Variants in FGL2 observed in about 807,000 individuals in gnomAD.
FGL2 encodes the protein fibroleukin.
In FGL2, 21 loss-of-function variants were observed where a neutral mutation model predicts 36.0. That is an observed-to-expected ratio of 0.58 (90% CI 0.41 to 0.84). The LOEUF (loss-of-function observed/expected upper bound fraction) is 0.84, where lower values mean the gene tolerates loss of function less well. FGL2 is among the 40% of genes least tolerant of loss of function. The pLI is 0.00. For missense variants in FGL2, 444 were observed against 526.3 expected (o/e 0.84, Z 1.53); for synonymous variants, 183 against 190.7 (o/e 0.96, Z 0.33).
rs1157567272 is a variant in FGL2, at chr7:77,194,792, A to G, written c.*1487T>C. 1.3e-5 allele frequency: 2 copies of G among 152,166 alleles called. No individual in the cohort carries two copies. Among genetic ancestry groups the G allele is most frequent in the Non-Finnish European group, 2.9e-5 (2 of 67,984 alleles). The allele number at this position is 152,166 out of a possible 1,614,324, so 9.4% of individuals were successfully genotyped here. On this transcript the variant is annotated 3_prime_UTR_variant, in exon 2 of 2. Coordinates refer to ENST00000248598, the MANE Select transcript of FGL2 (RefSeq NM_006682.3). ...CTCTAGAGCATTTTTAAAAATACGC[A>G]GAATACTGCTGTTCTCTCTGAGATG...
chr7:77,196,905 C>G lies in FGL2; in HGVS notation c.694G>C (p.Asp232His). Reference sequence around the variant, plus strand: ...ACTTCAAAGCTACTATTTTTGGGATCAGGTGTAACTCTGTAGGTCTCACTG... The same window carrying G: ...ACTTCAAAGCTACTATTTTTGGGATGAGGTGTAACTCTGTAGGTCTCACTG... ...RSSETYRVTP[D>H]PKNSSFEVYC... Residue 232 changes from aspartate (D) to histidine (H), a missense_variant, in exon 2 of 2, where the codon GAT becomes CAT. Transcript: ENST00000248598. This position sits in a 1 kb window ranked among gnomAD's most constrained non-coding sequence, Gnocchi z 4.2. The G allele has an allele frequency of 6.2e-7, 1 of 1,613,872 alleles. No homozygotes were observed. Among genetic ancestry groups the G allele is most frequent in the East Asian group, 2.2e-5 (1 of 44,876 alleles).
At chr7:77,198,265 C>T in intron 1 of FGL2, 4 of 985,418 alleles carry the variant, frequency 4.1e-6, no homozygotes, top group Non-Finnish European at 4.8e-6. Flanking sequence ...GCCTGAGATA[C>T]TGTCTCTAAA....
intron 1 of FGL2, among the ~76,000 whole-genome samples, chr7:77,197,893 A>G (rs1791905578): frequency 6.6e-6 from 1 of 152,224 alleles, no homozygotes; most frequent in Non-Finnish European, 1.5e-5. Context: ...AAAGTTCTGT[A>G]TGAATCAGAC....
Position 77,196,595 on chromosome 7 carries a change from T to C in FGL2, c.1004A>G (p.Tyr335Cys). 5 of 1,614,220 alleles carry C rather than the reference T, an allele frequency of 3.1e-6. No individual in the cohort carries two copies. Among genetic ancestry groups the C allele is most frequent in the Non-Finnish European group, 4.2e-6 (5 of 1,180,018 alleles). The part of the protein sequence containing the change: ...FLKYRLHVGN[Y>C]NGTAGDALRF... ...TAATGCATCTCCAGCTGTGCCATTA[T>C]AGTTACCAACGTGTAAACGATATTT... Residue 335 changes from tyrosine (Y) to cysteine (C), a missense_variant, in exon 2 of 2, where the codon TAT becomes TGT. Physicochemically the swap from Tyr to Cys is radical, Grantham distance 194. Coordinates refer to ENST00000248598, the MANE Select transcript of FGL2 (RefSeq NM_006682.3). The surrounding 1 kb of genome is among the most constrained non-coding windows in gnomAD (Gnocchi z 4.2).
Position 77,196,741 on chromosome 7 carries a change from G to T in FGL2, c.858C>A (p.Asn286Lys). 6.2e-7 allele frequency: 1 copy of T among 1,613,894 alleles called. No individual in the cohort carries two copies. Among genetic ancestry groups the T allele is most frequent in the Non-Finnish European group, 8.5e-7 (1 of 1,179,946 alleles). The change falls in exon 2 of 2, where the codon AAC becomes AAA. Residue 286 changes from asparagine (N) to lysine (K), a missense_variant. Physicochemically the swap from Asn to Lys is moderately conservative, Grantham distance 94. Transcript: ENST00000248598. The surrounding 1 kb of genome is among the most constrained non-coding windows in gnomAD (Gnocchi z 4.2). ...GNLRREFWLG[N>K]DKIHLLTKSK... ...TCTTGGTCAGAAGATGAATTTTATC[G>T]TTCCCCAGCCAAAATTCCCTTCTGA...
intron 1 of FGL2, among the ~76,000 whole-genome samples, chr7:77,197,188 A>G (rs1398846611): frequency 6.6e-6 from 1 of 152,244 alleles, no homozygotes; most frequent in African/African-American, 2.4e-5. Context: ...GACCTCTAAT[A>G]TACTCTTGGT....
rs940913606 is a variant in FGL2 at position 77,194,395 on chromosome 7, C to T, written c.*1884G>A. The T allele has an allele frequency of 6.6e-6, 1 of 151,938 alleles. No homozygotes were observed. Among genetic ancestry groups the T allele is most frequent in the African/African-American group, 2.4e-5 (1 of 41,378 alleles). 9.4% of individuals were successfully genotyped at this position (151,938 alleles called of 1,614,324 possible). ...GTTACATCATTTACATTTGGTATCCCACCTAATAGAGACACAGCTTTTGAA... is the reference window on the plus strand; with the variant it reads ...GTTACATCATTTACATTTGGTATCCTACCTAATAGAGACACAGCTTTTGAA... On this transcript the variant is annotated 3_prime_UTR_variant, in exon 2 of 2. Coordinates refer to ENST00000248598, the MANE Select transcript of FGL2 (RefSeq NM_006682.3).
chr7:77,196,955 T>C lies in FGL2; in HGVS notation c.644A>G (p.Asp215Gly), dbSNP rs1334563704. 23 of 1,610,238 alleles carry C rather than the reference T, an allele frequency of 1.4e-5. No homozygotes were observed. The East Asian group carries it at 4.9e-4, about 34-fold the overall frequency. Residue 215 changes from aspartate (D) to glycine (G), a missense_variant, in exon 2 of 2, where the codon GAC (aspartate) becomes GGC (glycine). By Grantham distance (94) the Asp-to-Gly change is moderately conservative. Coordinates refer to ENST00000248598, the MANE Select transcript of FGL2 (RefSeq NM_006682.3). This position sits in a 1 kb window ranked among gnomAD's most constrained non-coding sequence, Gnocchi z 4.2. ...GCTTCTTTTGCCTATTGCGTAGTAG[T>C]CAGAGCAATCTTTATATATTAGATG... ...VQHLIYKDCS[D>G]YYAIGKRSSE...
rs752263777 is a variant in FGL2, at chr7:77,196,626, A to G, written c.973T>C (p.Phe325Leu). 5 of 1,613,984 alleles carry G rather than the reference A, an allele frequency of 3.1e-6. No homozygotes were observed. In the South Asian group the frequency reaches 5.5e-5, roughly 18 times the overall value. ...CCAACGTGTAAACGATATTTGAGAA[A>G]CTCATTAGCCACATAAAACTGATCA... ...LYDQFYVANE[F>L]LKYRLHVGNY... Residue 325 changes from phenylalanine to leucine, a missense_variant, in exon 2 of 2, where the codon TTT becomes CTT. Coordinates refer to ENST00000248598, the MANE Select transcript of FGL2 (RefSeq NM_006682.3). The surrounding 1 kb of genome is among the most constrained non-coding windows in gnomAD (Gnocchi z 4.2).
chr7:77,196,118 T>A lies in FGL2; in HGVS notation c.*161A>T, dbSNP rs1791863910. The A allele has an allele frequency of 1.7e-6, 1 of 596,598 alleles. No individual in the cohort carries two copies. The highest frequency in any genetic ancestry group is 2.9e-6 in the Non-Finnish European group (1 of 344,254). 37.0% of individuals were successfully genotyped at this position (596,598 alleles called of 1,614,324 possible). On this transcript the variant is annotated 3_prime_UTR_variant, in exon 2 of 2. Transcript: ENST00000248598. The surrounding 1 kb of genome is among the most constrained non-coding windows in gnomAD (Gnocchi z 4.2). ...CAACAAAGGACTCCTTTAAAATGCA[T>A]TGTTTTTCAGCTTTATTTCAAATGC...
At position 77,196,405 on chromosome 7, in the gene FGL2, G is replaced by T; in HGVS notation, c.1194C>A (p.Tyr398Ter). The part of the protein sequence containing the change: ...NLNGKYYHQK[Y>*]RGVRNGIFWG... ...AGAAAATCCCATTACGGACACCTCT[G>T]TATTTTTGGTGATAATATTTGCCAT... Residue 398 changes from tyrosine (Y) to a stop codon, truncating the protein, a stop_gained, in exon 2 of 2, where the codon TAC becomes TAA. Transcript: ENST00000248598. LOFTEE classifies it high-confidence loss of function. The surrounding 1 kb of genome is among the most constrained non-coding windows in gnomAD (Gnocchi z 4.2). 6.2e-7 allele frequency: 1 copy of T among 1,614,100 alleles called. No individual in the cohort carries two copies. Among genetic ancestry groups the T allele is most frequent in the African/African-American group, 1.3e-5 (1 of 75,030 alleles).
rs765354770 is a variant in FGL2, at chr7:77,196,712, T to C, written c.887A>G (p.Lys296Arg). ...NDKIHLLTKS[K>R]EMILRIDLED... ...AAGATCTATTCTCAGAATCATTTCC[T>C]TACTCTTGGTCAGAAGATGAATTTT... The change falls in exon 2 of 2, where the codon AAG (lysine) becomes AGG (arginine). Residue 296 changes from lysine (K) to arginine (R), a missense_variant. Physicochemically the swap from Lys to Arg is conservative, Grantham distance 26. Coordinates refer to ENST00000248598, the MANE Select transcript of FGL2 (RefSeq NM_006682.3). The surrounding 1 kb of genome is among the most constrained non-coding windows in gnomAD (Gnocchi z 4.2). The C allele has an allele frequency of 6.2e-7, 1 of 1,614,224 alleles. No homozygotes were observed. Among genetic ancestry groups the C allele is most frequent in the South Asian group, 1.1e-5 (1 of 91,078 alleles).
At position 77,199,529 on chromosome 7, in the gene FGL2, C is replaced by T. The variant is rs766309139; in HGVS notation, c.265G>A (p.Val89Ile). 8.7e-6 allele frequency: 14 copies of T among 1,614,000 alleles called. No homozygotes were observed. The highest frequency in any genetic ancestry group is 1.2e-5 in the Non-Finnish European group (14 of 1,180,020). Reference protein sequence around the residue: ...FKEVQNLKEIVNSLKKSCQDC... With the variant: ...FKEVQNLKEIINSLKKSCQDC... ...TGGCAAGATTTCTTTAGACTATTTACGATTTCCTTGAGGTTTTGGACTTCT... is the reference window on the plus strand; with the variant it reads ...TGGCAAGATTTCTTTAGACTATTTATGATTTCCTTGAGGTTTTGGACTTCT... Residue 89 changes from valine to isoleucine, a missense_variant, in exon 1 of 2, where the codon GTA becomes ATA. By Grantham distance (29) the Val-to-Ile change is conservative (BLOSUM62 3). Coordinates refer to ENST00000248598, the MANE Select transcript of FGL2 (RefSeq NM_006682.3).
Position 77,195,988 on chromosome 7 carries a change from C to A in FGL2, c.*291G>T. 1 of 318,670 alleles carries A rather than the reference C, an allele frequency of 3.1e-6. No individual in the cohort carries two copies. The highest frequency in any genetic ancestry group is 5.7e-6 in the Non-Finnish European group (1 of 174,550). 19.7% of individuals were successfully genotyped at this position (318,670 alleles called of 1,614,324 possible). ...TATTTTTTAAATACAGCAAGTAATACAAGCAATAGAAAAAGTTTCAATAGA... is the reference window on the plus strand; with the variant it reads ...TATTTTTTAAATACAGCAAGTAATAAAAGCAATAGAAAAAGTTTCAATAGA... On this transcript the variant is annotated 3_prime_UTR_variant, in exon 2 of 2. Transcript: ENST00000248598.
rs1324391314 is a variant in FGL2 at position 77,199,458 on chromosome 7, G to A, written c.336C>T (p.Asn112=). ...QADDNGDPGR[N]GLLLPSTGAP... is the part of the protein sequence containing the mutation. The stretch of plus-strand genomic sequence containing the variant: ...CTCCTGTACTGGGTAACAACAGTCC[G>A]TTTCTGCCTGGGTCTCCGTTGTCAT... Residue 112 remains asparagine, a synonymous_variant, in exon 1 of 2, where the codon AAC becomes AAT. Coordinates refer to ENST00000248598, the MANE Select transcript of FGL2 (RefSeq NM_006682.3). 4 of 1,613,968 alleles carry A rather than the reference G, an allele frequency of 2.5e-6. No homozygotes were observed. The highest frequency in any genetic ancestry group is 1.3e-5 in the African/African-American group (1 of 74,898).
At position 77,193,811 on chromosome 7, in the gene FGL2, T is replaced by C. The variant is rs1482948803; in HGVS notation, c.*2468A>G. The stretch of plus-strand genomic sequence containing the variant: ...TAGTCTTAATTAAGATAACAAATAT[T>C]AGCCATCAAAATGGAACCAAGACAA... On this transcript the variant is annotated 3_prime_UTR_variant, in exon 2 of 2. Transcript: ENST00000248598. 3 of 152,544 alleles carry C rather than the reference T, an allele frequency of 2.0e-5. No individual in the cohort carries two copies. Among genetic ancestry groups the C allele is most frequent in the Admixed American group, 2.0e-4 (3 of 15,268 alleles). 9.4% of individuals were successfully genotyped at this position (152,544 alleles called of 1,614,324 possible).
rs1445856142 is a variant in FGL2 at position 77,196,480 on chromosome 7, C to T, written c.1119G>A (p.Leu373=). The change falls in exon 2 of 2, where the codon CTG becomes CTA. Residue 373 remains leucine, a synonymous_variant. Transcript: ENST00000248598. This position sits in a 1 kb window ranked among gnomAD's most constrained non-coding sequence, Gnocchi z 4.2. ...NDRYPSGNCG[L]YYSSGWWFDA... ...CAAACCACCAGCCTGAACTGTAGTA[C>T]AGCCCACAGTTCCCAGAAGGATATC... 6 of 1,613,966 alleles carry T rather than the reference C, an allele frequency of 3.7e-6. No individual in the cohort carries two copies. The highest frequency in any genetic ancestry group is 3.3e-5 in the Admixed American group (2 of 60,000).
intron 1 of FGL2, among the ~76,000 whole-genome samples, chr7:77,197,361 T>C (rs1393258223): frequency 6.6e-6 from 1 of 152,244 alleles, no homozygotes; most frequent in Non-Finnish European, 1.5e-5. Context: ...GACCTTATGA[T>C]GTAGGCGTTA....
At chr7:77,198,775 A>G (rs1242325213) in intron 1 of FGL2, 3 of 209,266 alleles carry the variant, frequency 1.4e-5, no homozygotes, top group Non-Finnish European at 2.8e-5. Flanking sequence ...GAGAAGCGGC[A>G]GTCAGTCAAT....
Sources: gnomAD v4.1 joint callset for allele counts (sites outside exome capture counted in the v4.1 genomes callset) on GRCh38, gnomAD v4.1.1 for gene constraint, Gnocchi (gnomAD v3.1) non-coding constraint, MANE v1.5 for transcripts, NCBI Gene and HGNC (gene_info 2026-07-23, HGNC 2026-07-21) for gene names.